LRMDA: variants seen among roughly 807,000 people sequenced by gnomAD.
LRMDA encodes leucine rich melanocyte differentiation associated, also known as leucine-rich melanocyte differentiation-associated protein.
Under a neutral mutation model 29.8 loss-of-function variants are expected in LRMDA, and 18 were observed. The ratio of observed to expected loss-of-function variants is 0.60; its 90% CI spans 0.42 to 0.90. LRMDA has a LOEUF of 0.90. Among genes scored for constraint, LRMDA ranks in the 40% least tolerant of loss-of-function variants. LRMDA has a pLI of 0.00. For synonymous variants in LRMDA, 125 were observed against 109.4 expected (o/e 1.14, Z -0.89); for missense variants, 273 against 273.9 (o/e 1.00, Z 0.02).
At chr10:76,303,364 C>G (rs1840507022) in intron 5 of LRMDA, among the ~76,000 whole-genome samples, 4 of 152,028 alleles carry the variant, frequency 2.6e-5, no homozygotes, top group Non-Finnish European at 5.9e-5. Flanking sequence ...AAAAATAAAG[C>G]ATAAGTACCA....
intron 2 of LRMDA, among the ~76,000 whole-genome samples, chr10:75,579,272 C>T (rs116051576): frequency 0.013 from 2,027 of 152,188 alleles, 34 homozygotes; most frequent in African/African-American, 0.043. Flanking sequence ...TACAAATTAC[C>T]TTCAGGGGAT....
chr10:75,530,317 C>T (rs187102281), intron 2 of LRMDA, among the ~76,000 whole-genome samples: 15 of 152,026 alleles, frequency 9.9e-5, no homozygotes, highest in East Asian at 1.9e-4. Context: ...TGGGAATTCT[C>T]GGTAAGTCTC....
At chr10:76,463,684 G>A (rs577826973) in intron 6 of LRMDA, among the ~76,000 whole-genome samples, 13 of 152,246 alleles carry the variant, frequency 8.5e-5, no homozygotes, top group African/African-American at 3.1e-4. Context: ...CAGAACTGAG[G>A]AGAAAGGACA....
At position 75,810,493 on chromosome 10, in the gene LRMDA, C is replaced by T. The variant is rs142415414; in HGVS notation, c.132-225515C>T. ...GTGGAGCTGAAGGAACAAAAGACGCCAAAGATGACATCTAGATTCTGGCTT... is the reference window on the plus strand; with the variant it reads ...GTGGAGCTGAAGGAACAAAAGACGCTAAAGATGACATCTAGATTCTGGCTT... On this transcript the variant is annotated intron_variant, in intron 2 of 6. Transcript: ENST00000611255. 3.9e-4 allele frequency among the ~76,000 whole-genome samples: 59 copies of T among 152,252 alleles called. No homozygotes were observed. The Middle Eastern group carries it at 0.01, about 27-fold the overall frequency.
rs1554826738 is a variant in LRMDA, at chr10:75,802,970, A to AT, written c.132-233037dup. ...TGTGTGTGTGTATATATATATATAT[A>AT]TATTTTTTTTTTTTTCTTAGCTCCC... is the stretch of plus-strand genomic sequence containing the variant. On this transcript the variant is annotated intron_variant, in intron 2 of 6. Coordinates refer to ENST00000611255, the MANE Select transcript of LRMDA (RefSeq NM_001305581.2). 8.1e-3 allele frequency among the ~76,000 whole-genome samples: 1,041 copies of AT among 128,162 alleles called. 11 individuals are homozygous for AT. The highest frequency in any genetic ancestry group is 8.7e-3 in the African/African-American group (271 of 31,124). 84.1% of individuals were successfully genotyped at this position (128,162 alleles called of 152,430 possible).
At chr10:76,038,767 T>TCTATACA (rs1848294761) in intron 3 of LRMDA, among the ~76,000 whole-genome samples, 1 of 152,236 alleles carries the variant, frequency 6.6e-6, no homozygotes, top group African/African-American at 2.4e-5. Flanking sequence ...CATGAAATGC[T>TCTATACA]TTAGATATGG....
chr10:76,013,703 T>A (rs941153941), intron 2 of LRMDA, among the ~76,000 whole-genome samples: 1 of 151,452 alleles, frequency 6.6e-6, no homozygotes, highest in African/African-American at 2.4e-5. Flanking sequence ...AAGAGTGGAG[T>A]TGACAAGCCA....
intron 5 of LRMDA, among the ~76,000 whole-genome samples, chr10:76,294,791 G>A (rs988539404): frequency 7.2e-5 from 11 of 152,158 alleles, no homozygotes; most frequent in African/African-American, 2.7e-4. Flanking sequence ...TCAAATCAAA[G>A]GCATTGGGAT....
chr10:76,484,542 T>A (rs906310916), intron 6 of LRMDA, among the ~76,000 whole-genome samples: 1 of 151,926 alleles, frequency 6.6e-6, no homozygotes, highest in Non-Finnish European at 1.5e-5. Context: ...GATTTATACT[T>A]CAATATTTTT....
Position 76,086,187 on chromosome 10 carries a change from C to T in LRMDA, c.516+27404C>T, listed in dbSNP as rs538263667. On this transcript the variant is annotated intron_variant, in intron 5 of 6. Coordinates refer to ENST00000611255, the MANE Select transcript of LRMDA (RefSeq NM_001305581.2). ...AGTTCAGAGCACTTCCTTGCTGGGG[C>T]GCCTGCTAAGTGGGGTGAGTTTAAC... 7.9e-5 allele frequency among the ~76,000 whole-genome samples: 12 copies of T among 152,294 alleles called. 1 individual carries two copies. The highest frequency in any genetic ancestry group is 3.4e-3 in the Middle Eastern group (1 of 294).
At chr10:76,410,301 T>TC (rs1437744423) in intron 6 of LRMDA, among the ~76,000 whole-genome samples, 2 of 120,426 alleles carry the variant, frequency 1.7e-5, no homozygotes, top group African/African-American at 3.3e-5. Context: ...TTTCTTTCTT[T>TC]TTTTTTTTTT....
At chr10:75,983,114 A>AG (rs1005638540) in intron 2 of LRMDA, among the ~76,000 whole-genome samples, 5 of 152,092 alleles carry the variant, frequency 3.3e-5, no homozygotes, top group African/African-American at 1.2e-4. Flanking sequence ...ACTTGAAGGC[A>AG]GGGGGGAGCT....
In LRMDA at chr10:76,558,449, T is replaced by TAA. The variant is rs1283046657; in HGVS notation, c.*1162_*1163dup. On this transcript the variant is annotated 3_prime_UTR_variant, in exon 7 of 7. Coordinates refer to ENST00000611255, the MANE Select transcript of LRMDA (RefSeq NM_001305581.2). ...ACTAGCACTAATGTCACAAGGAACA[T>TAA]AAGTGTGATCATTGCTAGTTGGGTG... 4 of 152,324 alleles carry TAA rather than the reference T, an allele frequency of 2.6e-5. No individual in the cohort carries two copies. Among genetic ancestry groups the TAA allele is most frequent in the African/African-American group, 7.2e-5 (3 of 41,558 alleles). 9.4% of individuals were successfully genotyped at this position (152,324 alleles called of 1,614,324 possible).
intron 2 of LRMDA, among the ~76,000 whole-genome samples, chr10:75,606,180 A>G (rs565532107): frequency 6.8e-6 from 1 of 146,130 alleles, no homozygotes; most frequent in Non-Finnish European, 1.5e-5. Flanking sequence ...TAATGGTAAG[A>G]TAAGTAAAGT....
In LRMDA at chr10:75,706,454, C is replaced by T. The variant is rs978589040; in HGVS notation, c.131+267960C>T. Among the ~76,000 whole-genome samples the T allele has an allele frequency of 5.9e-5, 9 of 152,246 alleles. No homozygotes were observed. The East Asian group carries it at 1.7e-3, about 29-fold the overall frequency. ...AAAGTTTTGGGCTGTGTAGTTACTC[C>T]AGGGTCAAATGATTTTCATAAGAAG... is the stretch of plus-strand genomic sequence containing the variant. On this transcript the variant is annotated intron_variant, in intron 2 of 6. Transcript: ENST00000611255.
chr10:75,434,047 G>A (rs1457846187), intron 1 of LRMDA, among the ~76,000 whole-genome samples: 1 of 152,182 alleles, frequency 6.6e-6, no homozygotes, highest in Non-Finnish European at 1.5e-5. Context: ...CCATGGGTCT[G>A]ACTTCATTTG....
At chr10:75,923,248 T>C (rs1479763742) in intron 2 of LRMDA, among the ~76,000 whole-genome samples, 1 of 152,230 alleles carries the variant, frequency 6.6e-6, no homozygotes, top group African/African-American at 2.4e-5. Context: ...TAAAATAACA[T>C]TGAAGAGGGT....
At chr10:75,675,777 CTG>C (rs1841952971) in intron 2 of LRMDA, among the ~76,000 whole-genome samples, 1 of 151,946 alleles carries the variant, frequency 6.6e-6, no homozygotes, top group African/African-American at 2.4e-5. Flanking sequence ...TGTTCTAGAT[CTG>C]TTTCTCTTTG....
chr10:75,936,029 G>A (rs112913039), intron 2 of LRMDA, among the ~76,000 whole-genome samples: 319 of 151,348 alleles, frequency 2.1e-3, no homozygotes, highest in Non-Finnish European at 4.0e-3. Flanking sequence ...TTGTTTAAAA[G>A]ACTGATTATA....
Sources: gnomAD v4.1 joint callset for allele counts (sites outside exome capture counted in the v4.1 genomes callset) on GRCh38, gnomAD v4.1.1 for gene constraint, MANE v1.5 for transcripts, NCBI Gene and HGNC (gene_info 2026-07-23, HGNC 2026-07-21) for gene names.